Variants in SHISA5 observed in about 807,000 individuals in gnomAD.
SHISA5 encodes protein shisa-5.
A neutral mutation model predicts 27.5 loss-of-function variants in SHISA5; 21 were observed. That is an observed-to-expected ratio of 0.76 (90% CI 0.54 to 1.10). The LOEUF (loss-of-function observed/expected upper bound fraction) is 1.10, where lower values mean the gene tolerates loss of function less well. SHISA5 is among the 50% of genes least tolerant of loss of function. The probability of loss-of-function intolerance (pLI) is 0.00; values close to 1 mark genes in which losing one functional copy is unlikely to be tolerated. For synonymous variants in SHISA5, 137 were observed against 142.2 expected (o/e 0.96, Z 0.26); for missense variants, 314 against 336.3 (o/e 0.93, Z 0.52).
chr3:48,477,627 C>T (rs1024533470), intron 3 of SHISA5, among the ~76,000 whole-genome samples: 1 of 152,194 alleles, frequency 6.6e-6, no homozygotes, highest in East Asian at 1.9e-4. Context: ...GAGTTGCCTG[C>T]GACCAGCATA....
chr3:48,481,411 C>G (rs1213035866), intron 2 of SHISA5, among the ~76,000 whole-genome samples: 2 of 133,288 alleles, frequency 1.5e-5, no homozygotes, highest in Non-Finnish European at 3.1e-5. Context: ...TGCACTCCAG[C>G]CTTGGCAATG....
At chr3:48,478,863 A>C (rs1217984071) in intron 3 of SHISA5, among the ~76,000 whole-genome samples, 2 of 150,932 alleles carry the variant, frequency 1.3e-5, no homozygotes, top group Non-Finnish European at 1.5e-5. Context: ...CTTCTCTGTC[A>C]CTCCTGCCCC....
chr3:48,469,108 C>G lies in SHISA5; in HGVS notation c.722G>C (p.Ter241SerextTer123). Residue 241 changes from the stop codon to serine (S), a stop_lost, in exon 6 of 6, where the codon TGA becomes TCA. Coordinates refer to ENST00000296444, the MANE Select transcript of SHISA5 (RefSeq NM_016479.6). This position sits in a 1 kb window ranked among gnomAD's most constrained non-coding sequence, Gnocchi z 4.6. ...AYMDAPKAAL[*>S] ...GCAGCCAGAGAGGCCAGGGAATGCT[C>G]AGAGGGCCGCCTTCGGGGCATCCAT... 6.2e-7 allele frequency: 1 copy of G among 1,613,018 alleles called. No individual in the cohort carries two copies. Among genetic ancestry groups the G allele is most frequent in the South Asian group, 1.1e-5 (1 of 91,090 alleles).
chr3:48,476,647 G>A (rs1455245426), intron 3 of SHISA5, among the ~76,000 whole-genome samples: 1 of 152,192 alleles, frequency 6.6e-6, no homozygotes, highest in Non-Finnish European at 1.5e-5. Flanking sequence ...ACCTGAGAGA[G>A]TTCAAAAGAG....
At chr3:48,485,224 G>A (rs539086646) in intron 2 of SHISA5, among the ~76,000 whole-genome samples, 1 of 151,688 alleles carries the variant, frequency 6.6e-6, no homozygotes, top group South Asian at 2.1e-4. Context: ...GACCGGGCAC[G>A]GTGGCTCACG....
At position 48,469,269 on chromosome 3, in the gene SHISA5, C is replaced by T. The variant is rs1165171986; in HGVS notation, c.644-83G>A. ...CAGGCAAGCAGAAAGGGGCAGAGGC[C>T]TGTTGAGTGATGTAGTTTGGGATGG... On this transcript the variant is annotated intron_variant, in intron 5 of 5. Transcript: ENST00000296444. The surrounding 1 kb of genome is among the most constrained non-coding windows in gnomAD (Gnocchi z 4.6). 1 of 1,580,094 alleles carries T rather than the reference C, an allele frequency of 6.3e-7. No homozygotes were observed. The highest frequency in any genetic ancestry group is 8.6e-7 in the Non-Finnish European group (1 of 1,163,648).
At chr3:48,486,204 GA>G (rs565710054) in intron 2 of SHISA5, among the ~76,000 whole-genome samples, 2 of 46,204 alleles carry the variant, frequency 4.3e-5, no homozygotes, top group South Asian at 1.2e-3. Context: ...GAAAACAGCA[GA>G]AAAAACTGAC....
At chr3:48,497,123 T>C (rs1055015504) in intron 2 of SHISA5, among the ~76,000 whole-genome samples, 1 of 151,508 alleles carries the variant, frequency 6.6e-6, no homozygotes, top group African/African-American at 2.4e-5. Context: ...TTCCAGCTAC[T>C]CTGGAGGCTG....
At chr3:48,482,597 A>G (rs550473308) in intron 2 of SHISA5, among the ~76,000 whole-genome samples, 3 of 152,120 alleles carry the variant, frequency 2.0e-5, no homozygotes, top group Non-Finnish European at 1.5e-5. Flanking sequence ...GGAAATAGTT[A>G]TATTTGCCTT....
Position 48,469,554 on chromosome 3 carries a change from T to C in SHISA5, c.450A>G (p.Thr150=), listed in dbSNP as rs774741329. The change falls in exon 5 of 6, where the codon ACA becomes ACG. Residue 150 remains threonine (T), a synonymous_variant. Coordinates refer to ENST00000296444, the MANE Select transcript of SHISA5 (RefSeq NM_016479.6). This position sits in a 1 kb window ranked among gnomAD's most constrained non-coding sequence, Gnocchi z 4.6. ...RRPRPVVTTT[T]STTVVHAPYP... The stretch of plus-strand genomic sequence containing the variant: ...AAGGGGCATGCACCACAGTGGTGGA[T>C]GTGGTGGTGGTGACAACCGCTGCAA... 6.2e-6 allele frequency: 10 copies of C among 1,609,566 alleles called. No homozygotes were observed. The highest frequency in any genetic ancestry group is 3.3e-5 in the Admixed American group (2 of 59,756).
chr3:48,488,641 C>A (rs2041325660), intron 2 of SHISA5, among the ~76,000 whole-genome samples: 2 of 150,976 alleles, frequency 1.3e-5, no homozygotes, highest in Non-Finnish European at 3.0e-5. Context: ...CGAGACCAGC[C>A]TGGCCAACAT....
At chr3:48,474,791 T>C (rs920973360) in intron 3 of SHISA5, among the ~76,000 whole-genome samples, 2 of 152,110 alleles carry the variant, frequency 1.3e-5, no homozygotes, top group Admixed American at 1.3e-4. Context: ...TCAAGGCCTT[T>C]GCACATGCAG....
At chr3:48,488,760 G>C (rs547395812) in intron 2 of SHISA5, among the ~76,000 whole-genome samples, 2 of 150,560 alleles carry the variant, frequency 1.3e-5, no homozygotes, top group South Asian at 4.2e-4. Context: ...TTGAACCCGG[G>C]AGGTGGAGGT....
intron 2 of SHISA5, among the ~76,000 whole-genome samples, chr3:48,484,001 G>A (rs2041119052): frequency 6.6e-6 from 1 of 152,200 alleles, no homozygotes; most frequent in African/African-American, 2.4e-5. Flanking sequence ...ACAGGTGTGA[G>A]CCACTGCACC....
intron 3 of SHISA5, chr3:48,477,094 A>G (rs1340882465): frequency 4.5e-6 from 2 of 443,978 alleles, no homozygotes; most frequent in Admixed American, 2.5e-5. Context: ...GCTCAAATCT[A>G]TAACATTGAG....
chr3:48,476,011 TCCAGGCTCCAGCCTGCTG>T (rs1319808281), intron 3 of SHISA5, among the ~76,000 whole-genome samples: 1 of 152,110 alleles, frequency 6.6e-6, no homozygotes, highest in East Asian at 1.9e-4. Context: ...CCCATCTGGA[TCCAGGCTCCAGCCTGCTG>T]CCTCATGCCT....
intron 2 of SHISA5, chr3:48,479,490 A>C (rs2040933503): frequency 7.4e-6 from 4 of 537,232 alleles, no homozygotes; most frequent in Non-Finnish European, 1.3e-5. Context: ...CCACAAAACA[A>C]GTCTCAGCAG....
rs940796347 is a variant in SHISA5, at chr3:48,469,995, G to A, written c.315-152C>T. ...GGGTGGCCTGCACCTGTTTCAATCT[G>A]TTTCCTCTTGTGTAAACTGGGGTAT... On this transcript the variant is annotated intron_variant, in intron 3 of 5. Transcript: ENST00000296444. This position sits in a 1 kb window ranked among gnomAD's most constrained non-coding sequence, Gnocchi z 4.6. 5.9e-5 allele frequency: 59 copies of A among 992,690 alleles called. No homozygotes were observed. Among genetic ancestry groups the A allele is most frequent in the Non-Finnish European group, 8.6e-5 (58 of 678,336 alleles). The allele number at this position is 992,690 out of a possible 1,614,324, so 61.5% of individuals were successfully genotyped here.
At chr3:48,474,122 C>T (rs1479254822) in intron 3 of SHISA5, among the ~76,000 whole-genome samples, 1 of 151,650 alleles carries the variant, frequency 6.6e-6, no homozygotes, top group South Asian at 2.1e-4. Flanking sequence ...GGGTCTCACT[C>T]TGTTGCCCAG....
Sources: allele counts gnomAD v4.1 joint callset (sites outside exome capture counted in the v4.1 genomes callset), GRCh38; gene constraint gnomAD v4.1.1; non-coding constraint Gnocchi (gnomAD v3.1); transcripts MANE v1.5; gene names NCBI Gene and HGNC (gene_info 2026-07-23, HGNC 2026-07-21).